KCNB2: variants seen among roughly 807,000 people sequenced by gnomAD.
KCNB2 encodes delayed rectifier potassium channel protein.
KCNB2 carries 15 observed loss-of-function variants against 61.5 expected under a neutral mutation model. The ratio of observed to expected loss-of-function variants is 0.24; its 90% CI spans 0.16 to 0.38. The LOEUF is 0.38. Among genes scored for constraint, KCNB2 ranks in the 10% least tolerant of loss-of-function variants. KCNB2 has a pLI of 1.00. For synonymous variants in KCNB2, 457 were observed against 446.0 expected, an observed-to-expected ratio of 1.02 and a Z score of -0.31; for missense variants, 828 against 1,125.2, an observed-to-expected ratio of 0.74 and a Z score of 3.78.
chr8:72,582,230 G>C (rs1380532579), intron 2 of KCNB2, among the ~76,000 whole-genome samples: 1 of 152,232 alleles, frequency 6.6e-6, no homozygotes, highest in Non-Finnish European at 1.5e-5. Flanking sequence ...AGGGCAGATG[G>C]AATCTTATCT....
At chr8:72,739,890 C>G (rs1807919120) in intron 2 of KCNB2, among the ~76,000 whole-genome samples, 1 of 151,990 alleles carries the variant, frequency 6.6e-6, no homozygotes. Flanking sequence ...AGAGAGAAAC[C>G]ACATAAAGTT....
intron 2 of KCNB2, among the ~76,000 whole-genome samples, chr8:72,597,533 C>A (rs1236414267): frequency 6.6e-6 from 1 of 152,174 alleles, no homozygotes; most frequent in African/African-American, 2.4e-5. Context: ...CTGGAAATAC[C>A]ATTCACCATA....
At chr8:72,918,349 G>A (rs1806440944) in intron 2 of KCNB2, among the ~76,000 whole-genome samples, 1 of 152,114 alleles carries the variant, frequency 6.6e-6, no homozygotes, top group South Asian at 2.1e-4. Flanking sequence ...TGGGGTTGTG[G>A]GAATGACACT....
intron 2 of KCNB2, among the ~76,000 whole-genome samples, chr8:72,793,128 G>A (rs970517093): frequency 9.2e-5 from 14 of 152,112 alleles, no homozygotes; most frequent in East Asian, 1.9e-4. Context: ...ATGATTACAC[G>A]GATACCACAT....
chr8:72,853,703 A>G (rs1277171834), intron 2 of KCNB2, among the ~76,000 whole-genome samples: 2 of 152,202 alleles, frequency 1.3e-5, no homozygotes, highest in Non-Finnish European at 2.9e-5. Context: ...CAATGTTATT[A>G]CTAAAACCAA....
At chr8:72,798,798 C>T (rs977522871) in intron 2 of KCNB2, among the ~76,000 whole-genome samples, 6 of 152,076 alleles carry the variant, frequency 3.9e-5, no homozygotes, top group South Asian at 4.1e-4. Context: ...TGGATTAATA[C>T]GAAAAGCCCG....
At chr8:72,630,843 C>A (rs1214120626) in intron 2 of KCNB2, among the ~76,000 whole-genome samples, 1 of 152,082 alleles carries the variant, frequency 6.6e-6, no homozygotes, top group Non-Finnish European at 1.5e-5. Context: ...TCAGGACACC[C>A]CTTGATAAAC....
intron 2 of KCNB2, among the ~76,000 whole-genome samples, chr8:72,671,459 G>A (rs1806564776): frequency 6.6e-6 from 1 of 152,042 alleles, no homozygotes; most frequent in Admixed American, 6.6e-5. Context: ...TTATTGCCTT[G>A]GAGTACTTAC....
At chr8:72,652,655 G>T (rs1246917738) in intron 2 of KCNB2, among the ~76,000 whole-genome samples, 1 of 152,054 alleles carries the variant, frequency 6.6e-6, no homozygotes, top group Admixed American at 6.6e-5. Context: ...AGTATGCATT[G>T]ATAGGGCTTA....
chr8:72,665,074 C>A (rs1020856377), intron 2 of KCNB2, among the ~76,000 whole-genome samples: 1 of 152,196 alleles, frequency 6.6e-6, no homozygotes, highest in African/African-American at 2.4e-5. Context: ...AGCATTTACT[C>A]CATATCAGCT....
chr8:72,827,236 G>C (rs1209681710), intron 2 of KCNB2, among the ~76,000 whole-genome samples: 1 of 152,118 alleles, frequency 6.6e-6, no homozygotes, highest in Admixed American at 6.6e-5. Context: ...AAGAAGAAAA[G>C]AAAGGGGAGA....
chr8:72,732,327 T>C (rs911853682), intron 2 of KCNB2, among the ~76,000 whole-genome samples: 1 of 152,196 alleles, frequency 6.6e-6, no homozygotes, highest in Non-Finnish European at 1.5e-5. Flanking sequence ...AAACTCCAAC[T>C]TTACAAGTGA....
intron 1 of KCNB2, among the ~76,000 whole-genome samples, chr8:72,563,382 C>CA (rs1171497149): frequency 6.6e-6 from 1 of 152,150 alleles, no homozygotes; most frequent in Admixed American, 6.6e-5. Flanking sequence ...GAGCCTCAGA[C>CA]AGAGCCCCTT....
intron 2 of KCNB2, among the ~76,000 whole-genome samples, chr8:72,866,237 G>T (rs1055614172): frequency 6.6e-6 from 1 of 152,190 alleles, no homozygotes; most frequent in African/African-American, 2.4e-5. Context: ...TTCCCAATGT[G>T]TGTGTGACTT....
At chr8:72,782,771 C>A (rs1245237456) in intron 2 of KCNB2, among the ~76,000 whole-genome samples, 1 of 152,114 alleles carries the variant, frequency 6.6e-6, no homozygotes, top group Non-Finnish European at 1.5e-5. Context: ...AAGTTCAATT[C>A]CATTTTGAAA....
rs1806892097 is a variant in KCNB2 at position 72,935,804 on chromosome 8, A to G, written c.580-131A>G. ...TAGTTAGGGAATTTTAAGTTGTAAA[A>G]TTACCTTCTTATAATCTTCTTGGAA... On this transcript the variant is annotated intron_variant, in intron 2 of 2. Transcript: ENST00000523207. 4 of 708,470 alleles carry G rather than the reference A, an allele frequency of 5.6e-6. No individual in the cohort carries two copies. In the African/African-American group the frequency reaches 7.1e-5, roughly 13 times the overall value. 43.9% of individuals were successfully genotyped at this position (708,470 alleles called of 1,614,324 possible). A position where few individuals can be genotyped will look rare whatever the true frequency, so the allele number is the denominator to read the frequency against.
intron 2 of KCNB2, among the ~76,000 whole-genome samples, chr8:72,601,012 G>T (rs71525177): frequency 0.026 from 3,911 of 148,214 alleles, 65 homozygotes; most frequent in Non-Finnish European, 0.043. Context: ...AAAAAAAAAA[G>T]AAATTAAAAT....
chr8:72,811,155 C>CTA (rs574229514), intron 2 of KCNB2, among the ~76,000 whole-genome samples: 2 of 140,178 alleles, frequency 1.4e-5, no homozygotes, highest in Non-Finnish European at 3.1e-5. Context: ...GAAGGGATTT[C>CTA]TTTTTTTTTT....
chr8:72,902,928 A>G (rs1283678910), intron 2 of KCNB2, among the ~76,000 whole-genome samples: 3 of 152,136 alleles, frequency 2.0e-5, no homozygotes, highest in Non-Finnish European at 4.4e-5. Flanking sequence ...TTGGTCCCAG[A>G]TTTGCTACTC....
Sources: allele counts gnomAD v4.1 joint callset (sites outside exome capture counted in the v4.1 genomes callset), GRCh38; gene constraint gnomAD v4.1.1; transcripts MANE v1.5; gene names NCBI Gene and HGNC (gene_info 2026-07-23, HGNC 2026-07-21).